DLGAP1: variants seen among roughly 807,000 people sequenced by gnomAD.
DLGAP1 encodes the protein disks large-associated protein 1.
Under a neutral mutation model 90.8 loss-of-function variants are expected in DLGAP1, and 11 were observed. That is an observed-to-expected ratio of 0.12 (90% CI 0.08 to 0.20). DLGAP1 has a LOEUF of 0.20. DLGAP1 is among the 10% of genes least tolerant of loss of function. DLGAP1 has a pLI of 1.00. For missense variants in DLGAP1, 1,050 were observed against 1,333.8 expected (o/e 0.79, Z 3.31); for synonymous variants, 558 against 540.7 (o/e 1.03, Z -0.44).
chr18:3,703,209 A>T (rs956353095), intron 7 of DLGAP1, among the ~76,000 whole-genome samples: 2 of 152,178 alleles, frequency 1.3e-5, no homozygotes, highest in Non-Finnish European at 2.9e-5. Context: ...GGATCACCGG[A>T]TATAGCTGGT....
At chr18:4,004,744 T>C (rs993646615) in intron 3 of DLGAP1, among the ~76,000 whole-genome samples, 2 of 152,136 alleles carry the variant, frequency 1.3e-5, no homozygotes, top group Non-Finnish European at 2.9e-5. Context: ...ACAAGGCACA[T>C]TTAAGAGGTT....
rs542213514 is a variant in DLGAP1, at chr18:3,517,519, T to C, written c.2480-8858A>G. On this transcript the variant is annotated intron_variant, in intron 10 of 12. Transcript: ENST00000315677. This position sits in a 1 kb window ranked among gnomAD's most constrained non-coding sequence, Gnocchi z 4.1. ...GCTTCCTCACCTCTCTCAGCTTTCATAGAATTGAAGAGAGTTGGCCGGGCG... is the reference window on the plus strand; with the variant it reads ...GCTTCCTCACCTCTCTCAGCTTTCACAGAATTGAAGAGAGTTGGCCGGGCG... Among the ~76,000 whole-genome samples the C allele has an allele frequency of 4.1e-4, 63 of 152,138 alleles. 1 individual carries two copies. The highest frequency in any genetic ancestry group is 1.9e-4 in the Non-Finnish European group (13 of 68,020).
rs114018514 is a variant in DLGAP1, at chr18:4,371,095, T to C, written c.-267+83911A>G. 5.1e-3 allele frequency among the ~76,000 whole-genome samples: 781 copies of C among 152,352 alleles called. 8 individuals carry two copies. The highest frequency in any genetic ancestry group is 0.018 in the African/African-American group (756 of 41,596). On this transcript the variant is annotated intron_variant, in intron 1 of 12. Transcript: ENST00000315677. ...CATGACCAGTAGAGAAGAGCAGTTG[T>C]TGTAGTTGTATTCATTCATTTGACA... is the stretch of plus-strand genomic sequence containing the variant.
intron 7 of DLGAP1, among the ~76,000 whole-genome samples, chr18:3,673,310 C>A (rs1079065): frequency 6.6e-6 from 1 of 151,928 alleles, no homozygotes; most frequent in East Asian, 1.9e-4. Flanking sequence ...TTGCATATCT[C>A]TATTATGGCC....
intron 3 of DLGAP1, among the ~76,000 whole-genome samples, chr18:3,907,949 C>T (rs1156717760): frequency 6.6e-6 from 1 of 152,144 alleles, no homozygotes; most frequent in Non-Finnish European, 1.5e-5. Flanking sequence ...ATTCTGAGTT[C>T]TATGTGTTGA....
intron 1 of DLGAP1, among the ~76,000 whole-genome samples, chr18:4,326,783 T>A (rs1440887929): frequency 6.6e-6 from 1 of 152,078 alleles, no homozygotes; most frequent in African/African-American, 2.4e-5. Flanking sequence ...TTCTCACTTA[T>A]AAATGGAGCT....
intron 4 of DLGAP1, among the ~76,000 whole-genome samples, chr18:3,871,417 G>T (rs2070742066): frequency 6.6e-6 from 1 of 152,018 alleles, no homozygotes; most frequent in Non-Finnish European, 1.5e-5. Context: ...ACTCTGCCTG[G>T]TCCTTTAATT....
chr18:4,038,849 G>A (rs750111631), intron 2 of DLGAP1, among the ~76,000 whole-genome samples: 1 of 152,090 alleles, frequency 6.6e-6, no homozygotes, highest in Non-Finnish European at 1.5e-5. Flanking sequence ...TCTGGCTGTG[G>A]TACTGCAAAT....
Position 3,691,885 on chromosome 18 carries a change from A to G in DLGAP1, c.1591+37250T>C, listed in dbSNP as rs191212682. ...CAGTGAGCCGAGATCATGCCACTGCATTCCTGTCTGGGTGACAGAGCAAGA... is the reference window on the plus strand; with the variant it reads ...CAGTGAGCCGAGATCATGCCACTGCGTTCCTGTCTGGGTGACAGAGCAAGA... On this transcript the variant is annotated intron_variant, in intron 7 of 12. Coordinates refer to ENST00000315677, the MANE Select transcript of DLGAP1 (RefSeq NM_004746.4). Among the ~76,000 whole-genome samples, 17 of 152,310 alleles carry G rather than the reference A, an allele frequency of 1.1e-4. No individual in the cohort carries two copies. The East Asian group carries it at 3.3e-3, about 29-fold the overall frequency.
intron 3 of DLGAP1, among the ~76,000 whole-genome samples, chr18:3,988,740 C>A (rs1264198746): frequency 6.6e-6 from 1 of 152,150 alleles, no homozygotes; most frequent in African/African-American, 2.4e-5. Flanking sequence ...CTGAAAGATG[C>A]ACTGTGTACT....
chr18:3,711,589 G>T lies in DLGAP1; in HGVS notation c.1591+17546C>A, dbSNP rs901562361. Among the ~76,000 whole-genome samples, 1 of 152,078 alleles carries T rather than the reference G, an allele frequency of 6.6e-6. No homozygotes were observed. The highest frequency in any genetic ancestry group is 1.5e-5 in the Non-Finnish European group (1 of 67,988). On this transcript the variant is annotated intron_variant, in intron 7 of 12. Coordinates refer to ENST00000315677, the MANE Select transcript of DLGAP1 (RefSeq NM_004746.4). The surrounding 1 kb of genome is among the most constrained non-coding windows in gnomAD (Gnocchi z 4.0). ...TGTGGTGGCTCATGCTTCTAATGCCGGCACTTTGGGAGGCTGAGGCAGGAG... is the reference window on the plus strand; with the variant it reads ...TGTGGTGGCTCATGCTTCTAATGCCTGCACTTTGGGAGGCTGAGGCAGGAG...
chr18:4,027,303 C>T (rs750942023), intron 2 of DLGAP1, among the ~76,000 whole-genome samples: 7 of 151,462 alleles, frequency 4.6e-5, no homozygotes, highest in Non-Finnish European at 8.8e-5. Context: ...GCCAGGAGTT[C>T]GAGACTAGCC....
At chr18:4,341,886 A>T (rs2081196572) in intron 1 of DLGAP1, among the ~76,000 whole-genome samples, 1 of 152,128 alleles carries the variant, frequency 6.6e-6, no homozygotes, top group Admixed American at 6.5e-5. Flanking sequence ...TAGCTTTGAA[A>T]TTAAACTGAT....
intron 5 of DLGAP1, among the ~76,000 whole-genome samples, chr18:3,762,803 A>T (rs1018015415): frequency 6.6e-6 from 1 of 152,200 alleles, no homozygotes; most frequent in East Asian, 1.9e-4. Context: ...TCTTATGTCA[A>T]CATTTCCAGG....
intron 1 of DLGAP1, among the ~76,000 whole-genome samples, chr18:4,387,923 T>TCTCA (rs766869482): frequency 0.021 from 723 of 33,658 alleles, 22 homozygotes; most frequent in East Asian, 0.16. Context: ...AGAGACTCCA[T>TCTCA]CACACATACA....
At chr18:3,681,030 A>G (rs1377757557) in intron 7 of DLGAP1, among the ~76,000 whole-genome samples, 1 of 152,168 alleles carries the variant, frequency 6.6e-6, no homozygotes, top group East Asian at 1.9e-4. Context: ...GAGATATGAA[A>G]AAGGGTGAGA....
intron 1 of DLGAP1, among the ~76,000 whole-genome samples, chr18:4,429,594 T>C (rs2144738814): frequency 6.6e-6 from 1 of 152,304 alleles, no homozygotes; most frequent in Non-Finnish European, 1.5e-5. Context: ...TTGGCAAGGA[T>C]TTAGGACACT....
chr18:3,773,412 A>T (rs547664490), intron 5 of DLGAP1, among the ~76,000 whole-genome samples: 5 of 152,364 alleles, frequency 3.3e-5, no homozygotes, highest in Non-Finnish European at 4.4e-5. Context: ...AGAACAGTAG[A>T]TAAATATTTA....
At chr18:4,284,319 A>C (rs1169278984) in intron 1 of DLGAP1, among the ~76,000 whole-genome samples, 1 of 152,110 alleles carries the variant, frequency 6.6e-6, no homozygotes, top group East Asian at 1.9e-4. Context: ...CAAGCCGAAC[A>C]CAGGCAGGGT....
Sources: allele counts gnomAD v4.1 joint callset (sites outside exome capture counted in the v4.1 genomes callset), GRCh38; gene constraint gnomAD v4.1.1; non-coding constraint Gnocchi (gnomAD v3.1); transcripts MANE v1.5; gene names NCBI Gene and HGNC (gene_info 2026-07-23, HGNC 2026-07-21).